The following NUP153 variants were observed in gnomAD, a reference collection of about 807,000 sequenced individuals.
NUP153 encodes nucleoporin 153.
In NUP153, 27 loss-of-function variants were observed where a neutral mutation model predicts 134.6. The ratio of observed to expected loss-of-function variants is 0.20; its 90% CI spans 0.15 to 0.28. The LOEUF (loss-of-function observed/expected upper bound fraction) is 0.28, where lower values mean the gene tolerates loss of function less well. Among genes scored for constraint, NUP153 ranks in the 10% least tolerant of loss-of-function variants. NUP153 has a pLI of 1.00. For missense variants in NUP153, 1,821 were observed against 1,731.3 expected, an observed-to-expected ratio of 1.05 and a Z score of -0.92; for synonymous variants, 640 against 623.5, an observed-to-expected ratio of 1.03 and a Z score of -0.40.
intron 5 of NUP153, 77 bp from the exon 6 acceptor site, chr6:17,669,623 A>C: frequency 1.0e-6 from 1 of 968,582 alleles, no homozygotes; most frequent in Non-Finnish European, 1.7e-6. Flanking sequence ...AATATTTACA[A>C]GATAGAATGG....
intron 8 of NUP153, among the ~76,000 whole-genome samples, chr6:17,667,793 C>T (rs1176321247): frequency 6.6e-6 from 1 of 152,152 alleles, no homozygotes. Flanking sequence ...AATAAACTAA[C>T]AAAAGATACC....
rs538203406 is a variant in NUP153, at chr6:17,686,087, G to A, written c.334+2309C>T. On this transcript the variant is annotated intron_variant, in intron 2 of 21. Transcript: ENST00000262077. ...CGCTTGAGCCTGGAAGGTTGAGGTT[G>A]CAGTGAGCCATGATGGTGCCACTGC... Among the ~76,000 whole-genome samples the A allele has an allele frequency of 2.0e-5, 3 of 152,234 alleles. No individual in the cohort carries two copies. In the South Asian group the frequency reaches 6.2e-4, roughly 32 times the overall value.
intron 2 of NUP153, among the ~76,000 whole-genome samples, chr6:17,685,183 G>T (rs1022449349): frequency 3.3e-5 from 5 of 152,076 alleles, no homozygotes; most frequent in Non-Finnish European, 7.4e-5. Context: ...ATTTATTTAG[G>T]ACTGCCATAT....
intron 14 of NUP153, among the ~76,000 whole-genome samples, chr6:17,640,913 ATGCC>A (rs887853988): frequency 3.9e-5 from 6 of 152,128 alleles, no homozygotes; most frequent in African/African-American, 1.4e-4. Flanking sequence ...ATGAGTCATC[ATGCC>A]TGGCCCACAA....
chr6:17,691,761 G>C (rs1458072038), intron 1 of NUP153, among the ~76,000 whole-genome samples: 1 of 151,986 alleles, frequency 6.6e-6, no homozygotes, highest in Admixed American at 6.6e-5. Context: ...AACAAAAAAA[G>C]ACTTAAAAAC....
chr6:17,616,858 C>T (rs770268817), intron 20 of NUP153, among the ~76,000 whole-genome samples, 163 bp from the exon 21 acceptor site: 3 of 152,106 alleles, frequency 2.0e-5, no homozygotes, highest in Non-Finnish European at 4.4e-5. Flanking sequence ...CAAGTGATTC[C>T]CCTGCCTCAG....
Position 17,675,485 on chromosome 6 carries a change from A to C in NUP153, c.583+37T>G, listed in dbSNP as rs1768166105. The C allele has an allele frequency of 6.2e-7, 1 of 1,606,252 alleles. No homozygotes were observed. Among genetic ancestry groups the C allele is most frequent in the African/African-American group, 1.3e-5 (1 of 74,696 alleles). ...AAAAAAACCCATAAAATTTAATGTT[A>C]CTACCCAAATTATGTACTACCACAT... On this transcript the variant is annotated intron_variant, in intron 3 of 21. Transcript: ENST00000262077. This position sits in a 1 kb window ranked among gnomAD's most constrained non-coding sequence, Gnocchi z 4.4.
intron 12 of NUP153, 49 bp downstream of exon 12, chr6:17,649,114 G>C: frequency 6.7e-7 from 1 of 1,493,176 alleles, no homozygotes; most frequent in East Asian, 2.3e-5. Flanking sequence ...TTTAAATAAA[G>C]AATTAAGAAA....
Position 17,688,621 on chromosome 6 carries a change from G to A in NUP153, c.112-3C>T. 1 of 1,599,258 alleles carries A rather than the reference G, an allele frequency of 6.3e-7. No individual in the cohort carries two copies. The highest frequency in any genetic ancestry group is 8.6e-7 in the Non-Finnish European group (1 of 1,169,220). On this transcript the variant is annotated splice_region_variant and splice_polypyrimidine_tract_variant and intron_variant, in intron 1 of 21. Coordinates refer to ENST00000262077, the MANE Select transcript of NUP153 (RefSeq NM_005124.4). The stretch of plus-strand genomic sequence containing the variant: ...TCTGTAACCCTGCTAAGAATGCCCT[G>A]TTGAGAGAAAAAACATATTATGACA...
At chr6:17,649,759 ATTG>A (rs1290169245) in intron 11 of NUP153, among the ~76,000 whole-genome samples, 12 of 152,176 alleles carry the variant, frequency 7.9e-5, no homozygotes, top group Non-Finnish European at 1.3e-4. Context: ...GTTCTATTTT[ATTG>A]TTGTTGTTAA....
intron 9 of NUP153, 78 bp from the exon 10 acceptor site, chr6:17,662,148 T>C (rs1767227870): frequency 1.6e-6 from 2 of 1,272,784 alleles, no homozygotes; most frequent in South Asian, 2.7e-5. Context: ...TCCTATTAAT[T>C]TTAATATTTA....
intron 2 of NUP153, among the ~76,000 whole-genome samples, chr6:17,686,598 T>C (rs763275697): frequency 1.3e-5 from 2 of 151,592 alleles, no homozygotes; most frequent in Non-Finnish European, 2.9e-5. Context: ...GGTTTCACCA[T>C]GTTAGCCAGG....
chr6:17,659,060 A>C (rs1043385528), intron 11 of NUP153, among the ~76,000 whole-genome samples: 13 of 152,324 alleles, frequency 8.5e-5, no homozygotes, highest in East Asian at 1.9e-4. Flanking sequence ...CTCTACAACA[A>C]CACCCAATGG....
Position 17,674,551 on chromosome 6 carries a change from G to A in NUP153, c.852+354C>T, listed in dbSNP as rs974296738. Reference sequence around the variant, plus strand: ...TGGGAGGCCGGGGTGGGCGCATCACGAGGTCAAGAGATCATCAAGACCATC... The same window carrying A: ...TGGGAGGCCGGGGTGGGCGCATCACAAGGTCAAGAGATCATCAAGACCATC... On this transcript the variant is annotated intron_variant, in intron 5 of 21. Transcript: ENST00000262077. Among the ~76,000 whole-genome samples, 12 of 152,216 alleles carry A rather than the reference G, an allele frequency of 7.9e-5. No individual in the cohort carries two copies. In the East Asian group the frequency reaches 2.1e-3, roughly 27 times the overall value.
intron 1 of NUP153, among the ~76,000 whole-genome samples, chr6:17,704,809 G>A (rs1770371330): frequency 6.6e-6 from 1 of 151,286 alleles, no homozygotes; most frequent in Non-Finnish European, 1.5e-5. Flanking sequence ...GCCCAGGCTG[G>A]AGTGCAGGGG....
At position 17,637,405 on chromosome 6, in the gene NUP153, C is replaced by G. The variant is rs145716827; in HGVS notation, c.2212G>C (p.Glu738Gln). 144 of 1,614,074 alleles carry G rather than the reference C, an allele frequency of 8.9e-5. 1 individual carries two copies. The highest frequency in any genetic ancestry group is 1.2e-4 in the Non-Finnish European group (140 of 1,180,050). ...TCACAGGCTACACATTTTATTGCTT[C>G]AGGTTTATTTTGCACTAAACAGGTA... is the stretch of plus-strand genomic sequence containing the variant. ...CDTCLVQNKP[E>Q]AIKCVACETP... Residue 738 changes from glutamate to glutamine, a missense_variant, in exon 16 of 22, where the codon GAA (glutamate) becomes CAA (glutamine). Physicochemically the swap from Glu to Gln is conservative, Grantham distance 29 (BLOSUM62 2). Transcript: ENST00000262077.
At position 17,665,340 on chromosome 6, in the gene NUP153, G is replaced by A; in HGVS notation, c.1114C>T (p.Pro372Ser). 6.2e-7 allele frequency: 1 copy of A among 1,613,520 alleles called. No individual in the cohort carries two copies. Among genetic ancestry groups the A allele is most frequent in the East Asian group, 2.2e-5 (1 of 44,794 alleles). ...CTTCGATTTGTTGCTATGGAAACTG[G>A]CTTTGGGGTCATAAGTCTCTGAACA... ...PPVQRLMTPKPVSIATNRSVY... is the reference protein window; with the variant it reads ...PPVQRLMTPKSVSIATNRSVY... Residue 372 changes from proline to serine, a missense_variant, in exon 9 of 22, where the codon CCA becomes TCA. By Grantham distance (74) the Pro-to-Ser change is moderately conservative (BLOSUM62 -1). Transcript: ENST00000262077.
At position 17,701,847 on chromosome 6, in the gene NUP153, A is replaced by AGGGGG. The variant is rs1554148736; in HGVS notation, c.111+4429_111+4430insCCCCC. 1.1e-3 allele frequency among the ~76,000 whole-genome samples: 83 copies of AGGGGG among 78,072 alleles called. 4 individuals carry two copies. Among genetic ancestry groups the AGGGGG allele is most frequent in the Non-Finnish European group, 1.7e-3 (57 of 33,794 alleles). 51.2% of individuals were successfully genotyped at this position (78,072 alleles called of 152,430 possible). Reference sequence around the variant, plus strand: ...GACTCTGTCTCGGGGGGGGGGGGAAAAAAGCTAAATGCAGGAACTGACTTG... The same window carrying AGGGGG: ...GACTCTGTCTCGGGGGGGGGGGGAAAGGGGGAAAGCTAAATGCAGGAACTGACTTG... On this transcript the variant is annotated intron_variant, in intron 1 of 21. Coordinates refer to ENST00000262077, the MANE Select transcript of NUP153 (RefSeq NM_005124.4).
At chr6:17,669,249 T>C (rs1767746376) in intron 7 of NUP153, 44 bp downstream of exon 7, 2 of 1,547,444 alleles carry the variant, frequency 1.3e-6, no homozygotes, top group East Asian at 4.5e-5. Flanking sequence ...CGGCTAATTT[T>C]TGTATGAACA....
Sources: gnomAD v4.1 joint callset for allele counts (sites outside exome capture counted in the v4.1 genomes callset) on GRCh38, gnomAD v4.1.1 for gene constraint, Gnocchi (gnomAD v3.1) non-coding constraint, MANE v1.5 for transcripts, NCBI Gene and HGNC (gene_info 2026-07-23, HGNC 2026-07-21) for gene names.